ALK: variants seen among roughly 807,000 people sequenced by gnomAD.
ALK encodes the protein ALK tyrosine kinase receptor.
In ALK, 74 loss-of-function variants were observed where a neutral mutation model predicts 163.1. That is an observed-to-expected ratio of 0.45 (90% CI 0.38 to 0.55). The LOEUF (loss-of-function observed/expected upper bound fraction) is 0.55, where lower values mean the gene tolerates loss of function less well. Among genes scored for constraint, ALK ranks in the 20% least tolerant of loss-of-function variants. The probability of loss-of-function intolerance (pLI) is 0.00; values close to 1 mark genes in which losing one functional copy is unlikely to be tolerated. For synonymous variants in ALK, 960 were observed against 843.2 expected (o/e 1.14, Z -2.40); for missense variants, 2,063 against 2,105.3 (o/e 0.98, Z 0.39).
At chr2:29,421,648 C>G (rs1670018266) in intron 4 of ALK, among the ~76,000 whole-genome samples, 1 of 151,432 alleles carries the variant, frequency 6.6e-6, no homozygotes, top group Non-Finnish European at 1.5e-5. Context: ...AGATAAACAC[C>G]AGATTAGAGA....
intron 1 of ALK, among the ~76,000 whole-genome samples, chr2:29,849,945 C>G (rs1297587065): frequency 6.6e-6 from 1 of 152,084 alleles, no homozygotes; most frequent in African/African-American, 2.4e-5. Flanking sequence ...ACACATACAA[C>G]AGAGTACAAC....
chr2:29,503,595 A>G (rs2148133912), intron 4 of ALK, among the ~76,000 whole-genome samples: 1 of 152,270 alleles, frequency 6.6e-6, no homozygotes, highest in African/African-American at 2.4e-5. Context: ...GAACCTGGAA[A>G]TGCTTTAGAG....
At position 29,246,104 on chromosome 2, in the gene ALK, GGT is replaced by G. The variant is rs1664663119; in HGVS notation, c.2204+4999_2204+5000del. 6.6e-6 allele frequency among the ~76,000 whole-genome samples: 1 copy of G among 152,146 alleles called. No homozygotes were observed. Among genetic ancestry groups the G allele is most frequent in the African/African-American group, 2.4e-5 (1 of 41,426 alleles). On this transcript the variant is annotated intron_variant, in intron 12 of 28. Transcript: ENST00000389048. The surrounding 1 kb of genome is among the most constrained non-coding windows in gnomAD (Gnocchi z 4.3). Reference sequence around the variant, plus strand: ...GAGCTATGGGCCATGCTTGACAAATGGTGTTATATACGATCTGTGTGTGTATG... The same window carrying G: ...GAGCTATGGGCCATGCTTGACAAATGGTTATATACGATCTGTGTGTGTATG...
chr2:29,793,239 G>T (rs757907636), intron 1 of ALK, among the ~76,000 whole-genome samples: 6 of 152,164 alleles, frequency 3.9e-5, no homozygotes, highest in Non-Finnish European at 8.8e-5. Context: ...GTTTGATCAT[G>T]AGGTTGCAGC....
intron 26 of ALK, among the ~76,000 whole-genome samples, chr2:29,202,574 G>A (rs1196178559): frequency 6.6e-6 from 1 of 152,218 alleles, no homozygotes; most frequent in Non-Finnish European, 1.5e-5. Context: ...TTTAAACAAT[G>A]CGTGAAAGCG....
chr2:29,200,123 T>A (rs1669120652), intron 26 of ALK, among the ~76,000 whole-genome samples: 1 of 152,186 alleles, frequency 6.6e-6, no homozygotes, highest in Admixed American at 6.5e-5. Context: ...TTCCTTTCTG[T>A]TTGGAGATCT....
At chr2:29,823,869 T>A (rs1463242775) in intron 1 of ALK, among the ~76,000 whole-genome samples, 1 of 152,208 alleles carries the variant, frequency 6.6e-6, no homozygotes, top group Non-Finnish European at 1.5e-5. Context: ...TTTGCATAAG[T>A]AATAAGGAGT....
intron 3 of ALK, among the ~76,000 whole-genome samples, chr2:29,650,787 G>T (rs1677015971): frequency 6.6e-6 from 1 of 152,070 alleles, no homozygotes; most frequent in Non-Finnish European, 1.5e-5. Flanking sequence ...AGGGAAAATG[G>T]CAAGTGAAAG....
chr2:29,347,126 A>AC lies in ALK; in HGVS notation c.1283-18646dup, dbSNP rs547085438. Among the ~76,000 whole-genome samples the AC allele has an allele frequency of 3.3e-4, 51 of 152,274 alleles. 1 individual carries two copies. In the East Asian group the frequency reaches 8.3e-3, roughly 25 times the overall value. ...AACAACTCTATGACATGGAACTGTC[A>AC]CCCCCATTTATAGATGAGAAAACTG... On this transcript the variant is annotated intron_variant, in intron 5 of 28. Coordinates refer to ENST00000389048, the MANE Select transcript of ALK (RefSeq NM_004304.5).
intron 1 of ALK, among the ~76,000 whole-genome samples, chr2:29,738,641 T>A (rs1267026271): frequency 6.6e-6 from 1 of 152,010 alleles, no homozygotes; most frequent in Non-Finnish European, 1.5e-5. Flanking sequence ...GAGAATCAAA[T>A]GAAGAACTGA....
intron 1 of ALK, among the ~76,000 whole-genome samples, chr2:29,741,611 T>C (rs544915136): frequency 6.6e-6 from 1 of 152,340 alleles, no homozygotes; most frequent in Admixed American, 6.5e-5. Context: ...GCTTGGTTAT[T>C]GAAGTGAACC....
At chr2:29,753,974 G>A (rs959628906) in intron 1 of ALK, among the ~76,000 whole-genome samples, 4 of 152,144 alleles carry the variant, frequency 2.6e-5, no homozygotes, top group African/African-American at 7.2e-5. Flanking sequence ...TGTAAGAAAA[G>A]TAAAGCAGAT....
intron 4 of ALK, among the ~76,000 whole-genome samples, chr2:29,391,115 G>A (rs905824696): frequency 6.6e-6 from 1 of 152,164 alleles, no homozygotes; most frequent in African/African-American, 2.4e-5. Flanking sequence ...CCTTAGCATT[G>A]TCAGCTGTAA....
intron 3 of ALK, among the ~76,000 whole-genome samples, chr2:29,543,699 A>G (rs1042486650): frequency 6.6e-6 from 1 of 152,216 alleles, no homozygotes; most frequent in Non-Finnish European, 1.5e-5. Context: ...CTCAGCAGAT[A>G]GGACACCTCC....
rs767817431 is a variant in ALK, at chr2:29,193,909, A to G, written c.4178T>C (p.Ile1393Thr). The G allele has an allele frequency of 1.9e-6, 3 of 1,614,178 alleles. No homozygotes were observed. Among genetic ancestry groups the G allele is most frequent in the East Asian group, 2.2e-5 (1 of 44,884 alleles). The change falls in exon 29 of 29, where the codon ATC becomes ACC. Residue 1393 changes from isoleucine (I) to threonine (T), a missense_variant. Transcript: ENST00000389048. ...IEYCTQDPDV[I>T]NTALPIEYGP... Reference sequence around the variant, plus strand: ...ATATTCTATCGGCAAAGCGGTGTTGATTACATCCGGGTCCTGCCGTAGGGG... The same window carrying G: ...ATATTCTATCGGCAAAGCGGTGTTGGTTACATCCGGGTCCTGCCGTAGGGG...
At chr2:29,270,607 A>G (rs1003564878) in intron 11 of ALK, among the ~76,000 whole-genome samples, 2 of 152,116 alleles carry the variant, frequency 1.3e-5, no homozygotes, top group African/African-American at 4.8e-5. Flanking sequence ...CAGGGGCCCA[A>G]GAATCTGCAT....
At position 29,222,478 on chromosome 2, in the gene ALK, G is replaced by A. The variant is rs766157224; in HGVS notation, c.3450+39C>T. On this transcript the variant is annotated intron_variant, in intron 21 of 28. Coordinates refer to ENST00000389048, the MANE Select transcript of ALK (RefSeq NM_004304.5). ...CTGAGAACTGCAGCCTACAGAGTCC[G>A]CAAGCCAAGGGCAGGCTCAAGAGTG... 129 of 1,610,764 alleles carry A rather than the reference G, an allele frequency of 8.0e-5. 1 individual carries two copies. The highest frequency in any genetic ancestry group is 1.7e-4 in the African/African-American group (13 of 74,806).
chr2:29,894,274 C>T (rs1458212554), intron 1 of ALK, among the ~76,000 whole-genome samples: 1 of 151,994 alleles, frequency 6.6e-6, no homozygotes, highest in African/African-American at 2.4e-5. Context: ...GGTGTTAAAC[C>T]CAGGGGAGGC....
intron 1 of ALK, among the ~76,000 whole-genome samples, chr2:29,917,331 C>T (rs1667861243): frequency 6.6e-6 from 1 of 152,226 alleles, no homozygotes; most frequent in African/African-American, 2.4e-5. Flanking sequence ...GCTGTGCCTA[C>T]TTTCCTTCTG....
Sources: allele counts gnomAD v4.1 joint callset (sites outside exome capture counted in the v4.1 genomes callset), GRCh38; gene constraint gnomAD v4.1.1; non-coding constraint Gnocchi (gnomAD v3.1); transcripts MANE v1.5; gene names NCBI Gene and HGNC (gene_info 2026-07-23, HGNC 2026-07-21).